Variants in DCPH1 observed in about 807,000 individuals in gnomAD.
DCPH1 encodes the protein damage control phosphatase 1.
chr6:151,454,758 T>C, the DCPH1 span: 44 of 594,522 alleles, frequency 7.4e-5, no homozygotes, highest in African/African-American at 7.3e-4. Flanking sequence ...AATCAATAGA[T>C]GGGCCAAGTA....
At chr6:151,466,151 T>G in the DCPH1 span, among the ~76,000 whole-genome samples, 15 of 152,214 alleles carry the variant, frequency 9.9e-5, no homozygotes, top group African/African-American at 2.9e-4. Context: ...ACTCCTGACC[T>G]CAGGTGATCT....
the DCPH1 span, among the ~76,000 whole-genome samples, chr6:151,465,044 A>G: frequency 6.6e-6 from 1 of 152,162 alleles, no homozygotes; most frequent in East Asian, 1.9e-4. Flanking sequence ...GATAATGTGT[A>G]CTGTGTAATT....
At chr6:151,464,826 A>T in the DCPH1 span, among the ~76,000 whole-genome samples, 2 of 152,224 alleles carry the variant, frequency 1.3e-5, no homozygotes, top group Non-Finnish European at 2.9e-5. Flanking sequence ...GTGGCAAAGA[A>T]GTTATCTGAC....
At chr6:151,467,636 A>G in the DCPH1 span, among the ~76,000 whole-genome samples, 1 of 152,156 alleles carries the variant, frequency 6.6e-6, no homozygotes, top group Admixed American at 6.5e-5. Flanking sequence ...GATGATCATA[A>G]ACTGAAGATG....
the DCPH1 span, chr6:151,469,022 C>G: frequency 1.2e-6 from 2 of 1,614,164 alleles, no homozygotes; most frequent in Non-Finnish European, 1.7e-6. Flanking sequence ...GGTCTGCAGC[C>G]TGGGCAAGGG....
chr6:151,454,762 C>T, the DCPH1 span: 5 of 577,274 alleles, frequency 8.7e-6, no homozygotes, highest in Non-Finnish European at 1.5e-5. Flanking sequence ...AATAGATGGG[C>T]CAAGTATTTA....
the DCPH1 span, among the ~76,000 whole-genome samples, chr6:151,460,182 C>T: frequency 6.6e-6 from 1 of 152,034 alleles, no homozygotes; most frequent in Non-Finnish European, 1.5e-5. Context: ...CGGGTTCAAG[C>T]AGTTCTCTTG....
At chr6:151,461,514 T>C in the DCPH1 span, among the ~76,000 whole-genome samples, 1 of 152,052 alleles carries the variant, frequency 6.6e-6, no homozygotes, top group Non-Finnish European at 1.5e-5. Context: ...CTACTAAAAA[T>C]ACAAAAATTA....
the DCPH1 span, among the ~76,000 whole-genome samples, chr6:151,467,263 AC>A: frequency 6.7e-6 from 1 of 150,292 alleles, no homozygotes; most frequent in African/African-American, 2.4e-5. Context: ...AAAAAAAAAA[AC>A]AAAACCCTAT....
the DCPH1 span, among the ~76,000 whole-genome samples, chr6:151,459,777 G>A: frequency 1.3e-5 from 2 of 152,090 alleles, no homozygotes; most frequent in African/African-American, 2.4e-5. Context: ...GCGACAGAGC[G>A]AGACTGTTTA....
At chr6:151,452,803 A>G in the DCPH1 span, 2 of 546,728 alleles carry the variant, frequency 3.7e-6, no homozygotes, top group Non-Finnish European at 6.4e-6. Flanking sequence ...GGCTGCTCGT[A>G]AGGATCAGGA....
At chr6:151,459,097 A>G in the DCPH1 span, among the ~76,000 whole-genome samples, 2 of 152,204 alleles carry the variant, frequency 1.3e-5, no homozygotes, top group Non-Finnish European at 2.9e-5. Flanking sequence ...AAATTGCACC[A>G]CTGCACTGCA....
chr6:151,467,249 C>CAA, the DCPH1 span, among the ~76,000 whole-genome samples: 15 of 121,088 alleles, frequency 1.2e-4, no homozygotes, highest in East Asian at 2.6e-4. Context: ...GACTCTATCT[C>CAA]AAAAAAAAAA....
At chr6:151,460,899 G>T in the DCPH1 span, among the ~76,000 whole-genome samples, 1 of 152,218 alleles carries the variant, frequency 6.6e-6, no homozygotes, top group Middle Eastern at 3.2e-3. Context: ...CAATGTTCTA[G>T]TGACTGTGCA....
At chr6:151,466,108 T>G in the DCPH1 span, among the ~76,000 whole-genome samples, 45 of 152,218 alleles carry the variant, frequency 3.0e-4, 1 homozygote, top group South Asian at 9.3e-3. Flanking sequence ...TAGTAGAGAC[T>G]GGGTTTCGCC....
the DCPH1 span, among the ~76,000 whole-genome samples, chr6:151,462,560 C>G: frequency 6.6e-6 from 1 of 152,156 alleles, no homozygotes; most frequent in Non-Finnish European, 1.5e-5. Context: ...GAGCATATTA[C>G]AATCTGTTTA....
chr6:151,460,715 C>T, the DCPH1 span, among the ~76,000 whole-genome samples: 1 of 151,092 alleles, frequency 6.6e-6, no homozygotes, highest in Non-Finnish European at 1.5e-5. Context: ...ACCCAGGAGG[C>T]GGAGGTTGCA....
chr6:151,457,516 A>G, the DCPH1 span, among the ~76,000 whole-genome samples: 2 of 152,150 alleles, frequency 1.3e-5, no homozygotes, highest in Non-Finnish European at 2.9e-5. Context: ...GTCAGCTACA[A>G]CTTCTTTTCT....
At chr6:151,468,766 T>C in the DCPH1 span, 1 of 1,613,828 alleles carries the variant, frequency 6.2e-7, no homozygotes, top group Non-Finnish European at 8.5e-7. Context: ...AATGGGTAAA[T>C]GGGTTTACCA....
Sources: allele counts gnomAD v4.1 joint callset (sites outside exome capture counted in the v4.1 genomes callset), GRCh38; gene constraint gnomAD v4.1.1; transcripts MANE v1.5; gene names NCBI Gene and HGNC (gene_info 2026-07-23, HGNC 2026-07-21).